Variants in HFM1 observed in about 807,000 individuals in gnomAD.
HFM1 encodes helicase for meiosis 1, also known as probable ATP-dependent DNA helicase HFM1.
HFM1 carries 169 observed loss-of-function variants against 192.1 expected under a neutral mutation model. The ratio of observed to expected loss-of-function variants is 0.88; its 90% CI spans 0.78 to 1.00. HFM1 has a LOEUF of 1.00. HFM1 is among the 50% of genes least tolerant of loss of function. HFM1 has a pLI of 0.00. For synonymous variants in HFM1, 525 were observed against 537.8 expected, an observed-to-expected ratio of 0.98 and a Z score of 0.33; for missense variants, 1,661 against 1,668.0, an observed-to-expected ratio of 1.00 and a Z score of 0.07.
chr1:91,303,074 A>C (rs1352451225), intron 30 of HFM1, among the ~76,000 whole-genome samples: 1 of 152,228 alleles, frequency 6.6e-6, no homozygotes, highest in East Asian at 1.9e-4. Context: ...GTGGGTTTTT[A>C]GTATATTCCC....
intron 30 of HFM1, among the ~76,000 whole-genome samples, chr1:91,310,455 G>A (rs959975845): frequency 1.3e-5 from 2 of 152,086 alleles, no homozygotes; most frequent in African/African-American, 2.4e-5. Flanking sequence ...ACTCTGATTT[G>A]CCTTAACAAA....
chr1:91,348,900 G>A (rs1656534584), intron 18 of HFM1, among the ~76,000 whole-genome samples: 2 of 151,966 alleles, frequency 1.3e-5, no homozygotes, highest in Non-Finnish European at 2.9e-5. Flanking sequence ...CTTCAGCCTG[G>A]GCAACAGAGT....
Position 91,380,137 on chromosome 1 carries a change from G to T in HFM1, c.973C>A (p.Pro325Thr). The change falls in exon 8 of 39, where the codon CCA becomes ACA. Residue 325 changes from proline to threonine, a missense_variant. Coordinates refer to ENST00000370425, the MANE Select transcript of HFM1 (RefSeq NM_001017975.6). ...LAITRLLMEV[P>T]LPWLNIKIVY... ...ATTTTAATATTCAACCATGGCAATGGTACTTCCATTAACAATCTTGTTATA... is the reference window on the plus strand; with the variant it reads ...ATTTTAATATTCAACCATGGCAATGTTACTTCCATTAACAATCTTGTTATA... 6.9e-7 allele frequency: 1 copy of T among 1,456,854 alleles called. No individual in the cohort carries two copies. The highest frequency in any genetic ancestry group is 9.5e-7 in the Non-Finnish European group (1 of 1,057,850). The allele number at this position is 1,456,854 out of a possible 1,614,324, so 90.2% of individuals were successfully genotyped here.
intron 30 of HFM1, among the ~76,000 whole-genome samples, chr1:91,279,453 T>A (rs1469700180): frequency 6.6e-6 from 1 of 152,166 alleles, no homozygotes; most frequent in Non-Finnish European, 1.5e-5. Flanking sequence ...TACACATTGT[T>A]GCTTATTTAA....
chr1:91,367,673 C>T (rs920621195), intron 13 of HFM1, among the ~76,000 whole-genome samples: 5 of 151,932 alleles, frequency 3.3e-5, no homozygotes, highest in East Asian at 1.9e-4. Context: ...GCAGAAAAAC[C>T]GGAAACTCTA....
intron 2 of HFM1, among the ~76,000 whole-genome samples, chr1:91,398,220 A>C (rs1663903715): frequency 6.6e-6 from 1 of 152,226 alleles, no homozygotes; most frequent in Non-Finnish European, 1.5e-5. Context: ...TAGCTGTACT[A>C]TTCTGCCTCT....
intron 16 of HFM1, 56 bp downstream of exon 16, chr1:91,352,450 A>G: frequency 7.4e-7 from 1 of 1,352,216 alleles, no homozygotes; most frequent in Non-Finnish European, 1.0e-6. Flanking sequence ...AAAATACACA[A>G]TTTTTTTGTT....
At chr1:91,405,679 T>C (rs1465262000), upstream of HFM1, among the ~76,000 whole-genome samples, 1 of 152,234 alleles carries the variant, frequency 6.6e-6, no homozygotes, top group African/African-American at 2.4e-5. Flanking sequence ...CTGCAAGGGT[T>C]AAATAAAATA....
At chr1:91,274,882 A>C in intron 32 of HFM1, 73 bp from the exon 33 acceptor site, 1 of 663,074 alleles carries the variant, frequency 1.5e-6, no homozygotes, top group Non-Finnish European at 2.6e-6. Flanking sequence ...GCCAAACAAC[A>C]AAATTCCTGC....
chr1:91,289,500 C>A (rs1423051105), intron 30 of HFM1, among the ~76,000 whole-genome samples: 1 of 152,108 alleles, frequency 6.6e-6, no homozygotes. Flanking sequence ...CTTTGGGAAG[C>A]CAAGGCAGGC....
At chr1:91,404,704 G>T (rs1455687932) in intron 1 of HFM1, 94 bp downstream of exon 1, 27 of 387,428 alleles carry the variant, frequency 7.0e-5, no homozygotes, top group Non-Finnish European at 1.3e-4. Context: ...GAGATCGACC[G>T]CTGCCCGGAC....
intron 20 of HFM1, chr1:91,329,138 G>A (rs1445290850): frequency 2.5e-6 from 4 of 1,609,620 alleles, no homozygotes; most frequent in Admixed American, 3.3e-5. Context: ...AGAAGCACAA[G>A]AGCATCGAGG....
intron 34 of HFM1, among the ~76,000 whole-genome samples, chr1:91,273,083 C>A (rs1007380675): frequency 5.3e-5 from 8 of 151,886 alleles, no homozygotes. Flanking sequence ...TAATGATGAA[C>A]CAGGCAGTGT....
chr1:91,308,188 C>T (rs927439708), intron 30 of HFM1, among the ~76,000 whole-genome samples: 2 of 151,974 alleles, frequency 1.3e-5, no homozygotes, highest in Non-Finnish European at 2.9e-5. Flanking sequence ...TTAATTTTGT[C>T]CCATTCTCTC....
chr1:91,343,294 G>A (rs1034111204), intron 20 of HFM1, 136 bp downstream of exon 20: 15 of 435,524 alleles, frequency 3.4e-5, no homozygotes, highest in Admixed American at 2.2e-4. Flanking sequence ...CATGCCTATG[G>A]CTAATAATGA....
intron 19 of HFM1, among the ~76,000 whole-genome samples, chr1:91,344,085 T>A (rs1382419788): frequency 6.6e-6 from 1 of 152,168 alleles, no homozygotes; most frequent in Non-Finnish European, 1.5e-5. Context: ...AGCAAAAACT[T>A]AAAACTGTTT....
intron 11 of HFM1, among the ~76,000 whole-genome samples, chr1:91,376,891 T>C (rs1287464808): frequency 6.6e-6 from 1 of 151,846 alleles, no homozygotes; most frequent in Non-Finnish European, 1.5e-5. Context: ...TATCCTTTGA[T>C]TCAGTTAATT....
At chr1:91,388,777 C>T (rs1662558764) in intron 4 of HFM1, among the ~76,000 whole-genome samples, 1 of 116,554 alleles carries the variant, frequency 8.6e-6, no homozygotes, top group South Asian at 3.4e-4. Flanking sequence ...AAAGCATAAG[C>T]ATAAAAGAAA....
chr1:91,351,014 C>T, intron 17 of HFM1, 143 bp from the exon 18 acceptor site: 1 of 657,892 alleles, frequency 1.5e-6, no homozygotes, highest in Non-Finnish European at 2.3e-6. Flanking sequence ...TAAAAGAAAA[C>T]CTTAAAAAGT....
Sources: allele counts gnomAD v4.1 joint callset (sites outside exome capture counted in the v4.1 genomes callset), GRCh38; gene constraint gnomAD v4.1.1; transcripts MANE v1.5; gene names NCBI Gene and HGNC (gene_info 2026-07-23, HGNC 2026-07-21).